The following TTC6 variants were observed in gnomAD, a reference collection of about 807,000 sequenced individuals.
TTC6 encodes the protein tetratricopeptide repeat domain 6, also known as tetratricopeptide repeat protein 6.
TTC6 carries 172 observed loss-of-function variants against 210.4 expected under a neutral mutation model. The observed-to-expected ratio is 0.82, with a 90% CI of 0.72 to 0.93. TTC6 has a LOEUF of 0.93. Among genes scored for constraint, TTC6 ranks in the 40% least tolerant of loss-of-function variants. TTC6 has a pLI of 0.00. For synonymous variants in TTC6, 804 were observed against 819.6 expected (o/e 0.98, Z 0.32); for missense variants, 2,414 against 2,318.1 (o/e 1.04, Z -0.85).
intron 29 of TTC6, chr14:37,837,187 G>A: frequency 2.8e-5 from 7 of 251,380 alleles, no homozygotes; most frequent in South Asian, 2.3e-4. Context: ...AAGTTACACA[G>A]TTCAAAGTTC....
chr14:37,692,208 C>CAAAAAAAAAAAAAAAAAAAAAACAA (rs2095804797), intron 3 of TTC6, among the ~76,000 whole-genome samples: 1 of 40,154 alleles, frequency 2.5e-5, no homozygotes, highest in Non-Finnish European at 3.9e-5. Flanking sequence ...AAAGACACAC[C>CAAAAAAAAAAAAAAAAAAAAAACAA]AAAAAAAAAA....
exon 3 of TTC6, chr14:37,682,777 C>G (rs1014984148): frequency 7.2e-6 from 11 of 1,535,422 alleles, no homozygotes; most frequent in Admixed American, 2.0e-5. Context: ...AAGGAACTTT[C>G]TGAAACCATG....
chr14:37,819,834 G>T (rs2096151367), intron 26 of TTC6, among the ~76,000 whole-genome samples: 1 of 152,148 alleles, frequency 6.6e-6, no homozygotes, highest in Admixed American at 6.6e-5. Flanking sequence ...AAAATGCAGT[G>T]GGCCTTTGTG....
intron 3 of TTC6, among the ~76,000 whole-genome samples, chr14:37,694,320 G>T (rs1207039815): frequency 2.0e-5 from 3 of 152,112 alleles, no homozygotes; most frequent in Admixed American, 6.6e-5. Context: ...TTTCTCAAAA[G>T]AAGACATACA....
chr14:37,663,244 G>A (rs183588974), intron 1 of TTC6, among the ~76,000 whole-genome samples: 81 of 152,142 alleles, frequency 5.3e-4, no homozygotes, highest in African/African-American at 1.5e-3. Flanking sequence ...AATTTTGTGC[G>A]TTGATTGTGT....
chr14:37,789,768 T>C (rs568341380), intron 15 of TTC6, among the ~76,000 whole-genome samples: 1 of 151,934 alleles, frequency 6.6e-6, no homozygotes, highest in South Asian at 2.1e-4. Context: ...TCAGAACATA[T>C]CCCTACTGTT....
At chr14:37,617,566 GA>G (rs958830503), upstream of TTC6, among the ~76,000 whole-genome samples, 4 of 151,798 alleles carry the variant, frequency 2.6e-5, no homozygotes, top group East Asian at 1.9e-4. Context: ...CAGAAAAATA[GA>G]AAAAAAATCA....
intron 17 of TTC6, among the ~76,000 whole-genome samples, chr14:37,793,838 G>A (rs566434691): frequency 4.6e-5 from 7 of 152,264 alleles, no homozygotes; most frequent in African/African-American, 1.7e-4. Flanking sequence ...GGAGACAAGA[G>A]TGAATAGAAC....
At chr14:37,763,417 TA>T (rs1332519843) in intron 14 of TTC6, among the ~76,000 whole-genome samples, 9 of 152,188 alleles carry the variant, frequency 5.9e-5, no homozygotes, top group African/African-American at 2.2e-4. Flanking sequence ...TGGTAGAATT[TA>T]CTGTTGACAT....
exon 10 of TTC6, chr14:37,739,063 G>C (rs1358096262): frequency 2.6e-6 from 4 of 1,533,814 alleles, no homozygotes; most frequent in African/African-American, 1.4e-5. Context: ...TTTATCCCAA[G>C]AAAAAGAAGA....
chr14:37,622,468 A>T (rs767538321), exon 1 of TTC6: 7 of 1,535,030 alleles, frequency 4.6e-6, no homozygotes, highest in Non-Finnish European at 6.1e-6. Context: ...GCCCTGAAAA[A>T]GCCCCCAGTC....
intron 7 of TTC6, among the ~76,000 whole-genome samples, chr14:37,735,057 A>G (rs2095897870): frequency 6.6e-6 from 1 of 152,284 alleles, no homozygotes; most frequent in African/African-American, 2.4e-5. Context: ...GTATCTTTCT[A>G]TTATGCCCAG....
At chr14:37,625,377 A>C (rs183087263) in intron 1 of TTC6, among the ~76,000 whole-genome samples, 144 of 151,562 alleles carry the variant, frequency 9.5e-4, no homozygotes, top group African/African-American at 3.4e-3. Context: ...GTGAAACCCC[A>C]TCTCTACTAA....
chr14:37,622,298 G>A, exon 1 of TTC6: 2 of 1,534,854 alleles, frequency 1.3e-6, no homozygotes, highest in Non-Finnish European at 1.7e-6. Flanking sequence ...GATACCCTTC[G>A]CTTAAAGGCC....
intron 1 of TTC6, among the ~76,000 whole-genome samples, chr14:37,661,640 C>A (rs1322793298): frequency 6.6e-6 from 1 of 152,002 alleles, no homozygotes; most frequent in Non-Finnish European, 1.5e-5. Flanking sequence ...TTAGAATTGT[C>A]TTGGCTATAT....
chr14:37,824,043 T>C, intron 27 of TTC6, 86 bp downstream of exon 29: 1 of 1,220,748 alleles, frequency 8.2e-7, no homozygotes, highest in Non-Finnish European at 1.2e-6. Flanking sequence ...GGAGTATATG[T>C]TATTTCTTTG....
chr14:37,694,995 C>G (rs142223452), intron 3 of TTC6, among the ~76,000 whole-genome samples: 1 of 135,780 alleles, frequency 7.4e-6, no homozygotes, highest in Non-Finnish European at 1.5e-5. Flanking sequence ...GCATTGTGAT[C>G]ATTCCGCTGC....
chr14:37,619,866 T>C (rs943102116), upstream of TTC6, among the ~76,000 whole-genome samples: 39 of 152,242 alleles, frequency 2.6e-4, no homozygotes, highest in African/African-American at 9.4e-4. Context: ...GTTCAAAATA[T>C]CATTTTCAGA....
chr14:37,830,852 GAT>G (rs1478730659), intron 29 of TTC6, among the ~76,000 whole-genome samples: 3 of 151,636 alleles, frequency 2.0e-5, no homozygotes, highest in Admixed American at 6.6e-5. Context: ...ATGATATTTT[GAT>G]ATGTGCATAC....
Sources: allele counts gnomAD v4.1 joint callset (sites outside exome capture counted in the v4.1 genomes callset), GRCh38; gene constraint gnomAD v4.1.1; transcripts MANE v1.5; gene names NCBI Gene and HGNC (gene_info 2026-07-23, HGNC 2026-07-21).